The following ADAMTS3 variants were observed in gnomAD, a reference collection of about 807,000 sequenced individuals.
ADAMTS3 encodes the protein ADAM metallopeptidase with thrombospondin type 1 motif 3.
ADAMTS3 carries 73 observed loss-of-function variants against 129.0 expected under a neutral mutation model. That is an observed-to-expected ratio of 0.57 (90% CI 0.47 to 0.69). The LOEUF (loss-of-function observed/expected upper bound fraction) is 0.69. Ranked by LOEUF, ADAMTS3 falls within the 30% of genes least tolerant of loss-of-function variation. The probability of loss-of-function intolerance (pLI) is 0.00; values close to 1 mark genes in which losing one functional copy is unlikely to be tolerated. For synonymous variants in ADAMTS3, 477 were observed against 510.8 expected, an observed-to-expected ratio of 0.93 and a Z score of 0.89; for missense variants, 1,457 against 1,514.5, an observed-to-expected ratio of 0.96 and a Z score of 0.63.
At chr4:72,336,680 A>G (rs1719998204) in intron 5 of ADAMTS3, among the ~76,000 whole-genome samples, 1 of 152,116 alleles carries the variant, frequency 6.6e-6, no homozygotes, top group Non-Finnish European at 1.5e-5. Context: ...GAGAGTGATG[A>G]GGGTTGGGAA....
At chr4:72,550,111 A>T (rs34377393) in intron 2 of ADAMTS3, among the ~76,000 whole-genome samples, 1 of 96,164 alleles carries the variant, frequency 1.0e-5, no homozygotes, top group African/African-American at 3.5e-5. Context: ...AAGAAGAAGA[A>T]GAAGAAGGCA....
intron 3 of ADAMTS3, among the ~76,000 whole-genome samples, chr4:72,416,156 G>A (rs1722298095): frequency 3.0e-5 from 1 of 33,494 alleles, no homozygotes; most frequent in Non-Finnish European, 7.9e-5. Context: ...AAGAGCATAT[G>A]TTTTCAGCAA....
At chr4:72,446,458 A>T (rs1347445172) in intron 3 of ADAMTS3, among the ~76,000 whole-genome samples, 4 of 151,654 alleles carry the variant, frequency 2.6e-5, no homozygotes, top group African/African-American at 9.7e-5. Context: ...GGTGAGAACA[A>T]TGAACAAATT....
intron 4 of ADAMTS3, among the ~76,000 whole-genome samples, chr4:72,409,564 A>G (rs560088369): frequency 1.2e-5 from 1 of 85,246 alleles, no homozygotes; most frequent in Non-Finnish European, 3.0e-5. Context: ...TCTTTATTGG[A>G]AAAAAAAATA....
intron 17 of ADAMTS3, among the ~76,000 whole-genome samples, chr4:72,301,514 C>G (rs1181800361): frequency 2.6e-5 from 4 of 151,996 alleles, no homozygotes; most frequent in Admixed American, 6.6e-5. Context: ...AAGAAAAACC[C>G]TAAAAATTGA....
In ADAMTS3 at chr4:72,430,869, A is replaced by AGAT. The variant is rs1226447756; in HGVS notation, c.505-15901_505-15899dup. On this transcript the variant is annotated intron_variant, in intron 3 of 21. Transcript: ENST00000286657. Reference sequence around the variant, plus strand: ...AAGGAAAAAGTCTGGCTGGAATAGAAGATGAGTTCTAAGATGAGGCAAGAG... The same window carrying AGAT: ...AAGGAAAAAGTCTGGCTGGAATAGAAGATGATGAGTTCTAAGATGAGGCAAGAG... Among the ~76,000 whole-genome samples the AGAT allele has an allele frequency of 2.0e-5, 3 of 151,908 alleles. No individual in the cohort carries two copies. The East Asian group carries it at 5.9e-4, about 30-fold the overall frequency.
chr4:72,290,788 A>G, intron 20 of ADAMTS3, 67 bp downstream of exon 20: 1 of 1,530,840 alleles, frequency 6.5e-7, no homozygotes, highest in Non-Finnish European at 9.0e-7. Context: ...GTTTAAGCCA[A>G]ATTAAAATAT....
At chr4:72,427,032 C>A (rs558838486) in intron 3 of ADAMTS3, among the ~76,000 whole-genome samples, 2 of 152,138 alleles carry the variant, frequency 1.3e-5, no homozygotes, top group South Asian at 4.1e-4. Context: ...GCTGCCATAA[C>A]AAATTGCCAC....
chr4:72,354,880 G>C (rs1720537712), intron 4 of ADAMTS3, among the ~76,000 whole-genome samples: 1 of 151,732 alleles, frequency 6.6e-6, no homozygotes, highest in Non-Finnish European at 1.5e-5. Flanking sequence ...CATATTTCAG[G>C]TTCTAGACAC....
At chr4:72,559,956 A>G (rs1721861787) in intron 2 of ADAMTS3, among the ~76,000 whole-genome samples, 1 of 151,850 alleles carries the variant, frequency 6.6e-6, no homozygotes, top group South Asian at 2.1e-4. Context: ...CTACAAGGCT[A>G]CAATAACCCA....
chr4:72,560,221 T>TA (rs35259992), intron 2 of ADAMTS3, among the ~76,000 whole-genome samples: 123,433 of 144,388 alleles, frequency 0.85, 55,143 homozygotes, highest in South Asian at 0.99. Flanking sequence ...CCCAAAACTA[T>TA]AAAAAAAAAA....
intron 4 of ADAMTS3, among the ~76,000 whole-genome samples, chr4:72,410,759 T>C (rs543142385): frequency 6.6e-6 from 1 of 151,516 alleles, no homozygotes; most frequent in African/African-American, 2.4e-5. Flanking sequence ...AAGTATATTG[T>C]TACCAATTAG....
At chr4:72,304,772 TAGAA>T (rs996138614) in intron 16 of ADAMTS3, among the ~76,000 whole-genome samples, 12 of 152,042 alleles carry the variant, frequency 7.9e-5, no homozygotes, top group African/African-American at 2.9e-4. Flanking sequence ...AATGTTACAT[TAGAA>T]AGCAAAATTT....
intron 2 of ADAMTS3, among the ~76,000 whole-genome samples, chr4:72,556,121 T>G (rs1578793578): frequency 6.6e-6 from 1 of 151,306 alleles, no homozygotes; most frequent in South Asian, 2.1e-4. Context: ...TTAGTGTATA[T>G]TACAGGAAGG....
chr4:72,313,644 C>CA, intron 12 of ADAMTS3, 33 bp downstream of exon 12: 1 of 1,606,254 alleles, frequency 6.2e-7, no homozygotes, highest in Non-Finnish European at 8.5e-7. Flanking sequence ...CTGGTCTCTC[C>CA]AAAAATAACA....
intron 3 of ADAMTS3, among the ~76,000 whole-genome samples, chr4:72,501,925 T>C (rs1720036566): frequency 6.9e-6 from 1 of 144,162 alleles, no homozygotes; most frequent in African/African-American, 2.5e-5. Context: ...TTTTGATTTG[T>C]GTTTGTTGAA....
At chr4:72,321,335 C>A (rs1450799701) in intron 6 of ADAMTS3, among the ~76,000 whole-genome samples, 2 of 143,468 alleles carry the variant, frequency 1.4e-5, no homozygotes, top group Non-Finnish European at 3.1e-5. Context: ...CCATTCCTGG[C>A]TTTTTTTTTG....
Position 72,313,715 on chromosome 4 carries a change from A to C in ADAMTS3, c.1707T>G (p.Thr569=). The C allele has an allele frequency of 6.2e-7, 1 of 1,613,786 alleles. No individual in the cohort carries two copies. Among genetic ancestry groups the C allele is most frequent in the Non-Finnish European group, 8.5e-7 (1 of 1,179,848 alleles). Residue 569 remains threonine (T), a synonymous_variant, in exon 12 of 22, where the codon ACT becomes ACG. Transcript: ENST00000286657. The part of the protein sequence containing the change: ...KFGSCSRTCG[T]GVRFRTRQCN... Reference sequence around the variant, plus strand: ...ACTGGCGTGTTCTGAAACGAACACCAGTTCCACATGTCCGAGAACAGGAGC... The same window carrying C: ...ACTGGCGTGTTCTGAAACGAACACCCGTTCCACATGTCCGAGAACAGGAGC...
At chr4:72,396,925 C>G (rs1721739903) in intron 4 of ADAMTS3, among the ~76,000 whole-genome samples, 1 of 152,068 alleles carries the variant, frequency 6.6e-6, no homozygotes, top group African/African-American at 2.4e-5. Flanking sequence ...TGATCATGAA[C>G]AACCTCAAGT....
Sources: gnomAD v4.1 joint callset for allele counts (sites outside exome capture counted in the v4.1 genomes callset) on GRCh38, gnomAD v4.1.1 for gene constraint, MANE v1.5 for transcripts, NCBI Gene and HGNC (gene_info 2026-07-23, HGNC 2026-07-21) for gene names.